Variants in THRAP3 observed in about 807,000 individuals in gnomAD.
THRAP3 encodes the protein thyroid hormone receptor-associated protein 3.
A neutral mutation model predicts 101.0 loss-of-function variants in THRAP3; 16 were observed. The ratio of observed to expected loss-of-function variants is 0.16; its 90% confidence interval spans 0.11 to 0.24. THRAP3 has a LOEUF of 0.24. Among genes scored for constraint, THRAP3 ranks in the 10% least tolerant of loss-of-function variants. The pLI is 1.00. For missense variants in THRAP3, 989 were observed against 1,202.7 expected (o/e 0.82, Z 2.63); for synonymous variants, 407 against 422.6 (o/e 0.96, Z 0.45).
chr1:36,237,631 C>T (rs969391198), intron 1 of THRAP3, among the ~76,000 whole-genome samples: 1 of 152,036 alleles, frequency 6.6e-6, no homozygotes, highest in Non-Finnish European at 1.5e-5. Context: ...GTTAGCCAGG[C>T]ATTGTGGCGG....
chr1:36,213,517 C>T, the THRAP3 span, among the ~76,000 whole-genome samples: 6 of 152,082 alleles, frequency 3.9e-5, no homozygotes, highest in African/African-American at 1.4e-4. Context: ...AGCCAAGATT[C>T]CTCTGAGATT....
At position 36,286,008 on chromosome 1, in the gene THRAP3, C is replaced by T. The variant is rs775211338; in HGVS notation, c.138-360C>T. 4.9e-4 allele frequency among the ~76,000 whole-genome samples: 74 copies of T among 152,262 alleles called. No homozygotes were observed. The highest frequency in any genetic ancestry group is 8.8e-4 in the Non-Finnish European group (60 of 68,016). ...CAATGACCTGGAGCCCTGTTAAAAT[C>T]CCCGTGCCTGTGAAACTGTAAGCTA... is the stretch of plus-strand genomic sequence containing the variant. On this transcript the variant is annotated intron_variant, in intron 3 of 11. Coordinates refer to ENST00000354618, the MANE Select transcript of THRAP3 (RefSeq NM_005119.4). The surrounding 1 kb of genome is among the most constrained non-coding windows in gnomAD (Gnocchi z 5.5).
rs960381539 is a variant in THRAP3, at chr1:36,304,425, C to A, written c.*408C>A. Reference sequence around the variant, plus strand: ...TGATTTTCGATCTCTTTTCCCCTGTCCTGATTTTAAAAGCCCCCTCCTTTT... The same window carrying A: ...TGATTTTCGATCTCTTTTCCCCTGTACTGATTTTAAAAGCCCCCTCCTTTT... On this transcript the variant is annotated 3_prime_UTR_variant, in exon 12 of 12. Coordinates refer to ENST00000354618, the MANE Select transcript of THRAP3 (RefSeq NM_005119.4). 2 of 229,128 alleles carry A rather than the reference C, an allele frequency of 8.7e-6. No homozygotes were observed. The highest frequency in any genetic ancestry group is 1.7e-5 in the Non-Finnish European group (2 of 117,652). 14.2% of individuals were successfully genotyped at this position (229,128 alleles called of 1,614,324 possible). A position where few individuals can be genotyped will look rare whatever the true frequency, so the allele number is the denominator to read the frequency against.
chr1:36,233,362 C>T (rs1421416988), intron 1 of THRAP3, among the ~76,000 whole-genome samples: 2 of 151,646 alleles, frequency 1.3e-5, no homozygotes, highest in East Asian at 1.9e-4. Context: ...AAAAATTAGC[C>T]AGGCATGCTG....
chr1:36,270,855 C>G (rs1158568032), intron 2 of THRAP3, among the ~76,000 whole-genome samples: 1 of 152,092 alleles, frequency 6.6e-6, no homozygotes, highest in Non-Finnish European at 1.5e-5. Context: ...GAGATTATTA[C>G]AGGTGTGAGC....
intron 11 of THRAP3, among the ~76,000 whole-genome samples, chr1:36,302,767 A>G (rs1219159577): frequency 6.6e-6 from 1 of 152,120 alleles, no homozygotes; most frequent in African/African-American, 2.4e-5. Flanking sequence ...TCATTGTTTG[A>G]TTGGATCCCT....
intron 2 of THRAP3, 78 bp from the exon 3 acceptor site, chr1:36,282,455 G>T: frequency 1.0e-5 from 10 of 978,870 alleles, no homozygotes; most frequent in South Asian, 3.5e-5. Flanking sequence ...TAAAAGAAAT[G>T]TGTTTCTAAA....
At chr1:36,242,769 G>T (rs890545987) in intron 1 of THRAP3, among the ~76,000 whole-genome samples, 10 of 152,106 alleles carry the variant, frequency 6.6e-5, no homozygotes, top group African/African-American at 2.4e-4. Flanking sequence ...GATTTTCTAA[G>T]GCATATAGAT....
Position 36,298,976 on chromosome 1 carries a change from T to G in THRAP3, c.2304-1910T>G, listed in dbSNP as rs201313071. Among the ~76,000 whole-genome samples, 6 of 152,256 alleles carry G rather than the reference T, an allele frequency of 3.9e-5. No homozygotes were observed. In the East Asian group the frequency reaches 1.2e-3, roughly 29 times the overall value. On this transcript the variant is annotated intron_variant, in intron 9 of 11. Coordinates refer to ENST00000354618, the MANE Select transcript of THRAP3 (RefSeq NM_005119.4). ...TGCCTGGCTAATTTTGTATTTCTTG[T>G]AGAGTTGAGGTTTTGCCATGTTGCC...
chr1:36,228,857 G>C (rs993211218), intron 1 of THRAP3, among the ~76,000 whole-genome samples: 4 of 152,130 alleles, frequency 2.6e-5, no homozygotes, highest in African/African-American at 9.7e-5. Context: ...AATGTAGGCT[G>C]GGCATGGTGG....
rs193299408 is a variant in THRAP3 at position 36,254,910 on chromosome 1, A to G, written c.-134-4472A>G. Among the ~76,000 whole-genome samples the G allele has an allele frequency of 2.4e-4, 37 of 152,304 alleles. No homozygotes were observed. The South Asian group carries it at 5.6e-3, about 23-fold the overall frequency. On this transcript the variant is annotated intron_variant, in intron 1 of 11. Transcript: ENST00000354618. ...CCATATTACAGAAGGCTCTGTATAC[A>G]TGACTTATTTGGAAGTGATCTGTTT... is the stretch of plus-strand genomic sequence containing the variant.
intron 1 of THRAP3, among the ~76,000 whole-genome samples, chr1:36,227,906 C>T (rs915852099): frequency 1.8e-4 from 27 of 152,080 alleles, no homozygotes; most frequent in African/African-American, 3.6e-4. Flanking sequence ...GACGGAATCT[C>T]GCTCTGTTGC....
At chr1:36,230,398 A>G (rs1009011438) in intron 1 of THRAP3, among the ~76,000 whole-genome samples, 6 of 150,190 alleles carry the variant, frequency 4.0e-5, no homozygotes, top group African/African-American at 1.2e-4. Flanking sequence ...GATTACAGGC[A>G]TGAGCCACCG....
At chr1:36,294,311 AGAG>A in intron 8 of THRAP3, 1 of 829,690 alleles carries the variant, frequency 1.2e-6, no homozygotes, top group African/African-American at 1.8e-5. Flanking sequence ...CATGCATGTC[AGAG>A]AAGAGTGAAA....
intron 10 of THRAP3, 87 bp downstream of exon 10, chr1:36,301,171 C>A: frequency 7.4e-7 from 1 of 1,346,482 alleles, no homozygotes; most frequent in Non-Finnish European, 1.0e-6. Context: ...GTTTTGTTGC[C>A]TTTGACATAA....
At chr1:36,240,158 G>A (rs969908513) in intron 1 of THRAP3, among the ~76,000 whole-genome samples, 1 of 152,170 alleles carries the variant, frequency 6.6e-6, no homozygotes, top group African/African-American at 2.4e-5. Context: ...AGTTTATTAG[G>A]AAGAATTGGC....
chr1:36,211,449 G>A, the THRAP3 span, among the ~76,000 whole-genome samples: 1 of 152,020 alleles, frequency 6.6e-6, no homozygotes, highest in African/African-American at 2.4e-5. Flanking sequence ...AAGGTGGGAG[G>A]ATCACTTGGG....
intron 1 of THRAP3, among the ~76,000 whole-genome samples, chr1:36,249,873 C>T (rs759088557): frequency 4.6e-5 from 7 of 151,836 alleles, no homozygotes; most frequent in African/African-American, 1.2e-4. Flanking sequence ...GAAGGTGGAG[C>T]GAGTAGAGCA....
intron 1 of THRAP3, among the ~76,000 whole-genome samples, chr1:36,254,268 T>A (rs1032956008): frequency 2.1e-4 from 32 of 152,218 alleles, no homozygotes; most frequent in Admixed American, 1.7e-3. Flanking sequence ...TCCACAGATA[T>A]TTTTTACCGT....
Sources: gnomAD v4.1 joint callset for allele counts (sites outside exome capture counted in the v4.1 genomes callset) on GRCh38, gnomAD v4.1.1 for gene constraint, Gnocchi (gnomAD v3.1) non-coding constraint, MANE v1.5 for transcripts, NCBI Gene and HGNC (gene_info 2026-07-23, HGNC 2026-07-21) for gene names.